CYRIA: variants seen among roughly 807,000 people sequenced by gnomAD.
The protein encoded by CYRIA is CYFIP-related Rac1 interactor A.
CYRIA carries 15 observed loss-of-function variants against 43.9 expected under a neutral mutation model. The observed-to-expected ratio is 0.34, with a 90% confidence interval of 0.23 to 0.53. The LOEUF (loss-of-function observed/expected upper bound fraction) is 0.53, where lower values mean the gene tolerates loss of function less well. CYRIA is among the 20% of genes least tolerant of loss of function. CYRIA has a pLI of 0.94. For synonymous variants in CYRIA, 117 were observed against 136.0 expected, an observed-to-expected ratio of 0.86 and a Z score of 0.97; for missense variants, 236 against 394.2, an observed-to-expected ratio of 0.60 and a Z score of 3.40.
intron 2 of CYRIA, among the ~76,000 whole-genome samples, chr2:16,599,761 C>T (rs544088146): frequency 6.6e-6 from 1 of 152,186 alleles, no homozygotes; most frequent in South Asian, 2.1e-4. Flanking sequence ...CCTCCTCCAA[C>T]TTTATTTTTT....
intron 1 of CYRIA, among the ~76,000 whole-genome samples, chr2:16,633,351 T>C (rs1669385080): frequency 6.6e-6 from 1 of 152,112 alleles, no homozygotes; most frequent in African/African-American, 2.4e-5. Flanking sequence ...TGAACTCTCA[T>C]AGAACTTTCT....
intron 6 of CYRIA, 138 bp downstream of exon 6, chr2:16,561,867 C>T (rs1666746861): frequency 1.2e-6 from 1 of 800,632 alleles, no homozygotes. Flanking sequence ...ATTCTCACCA[C>T]ATTATATGTC....
intron 2 of CYRIA, among the ~76,000 whole-genome samples, chr2:16,593,707 T>TC (rs1668009615): frequency 1.1e-5 from 1 of 95,232 alleles, no homozygotes; most frequent in South Asian, 3.6e-4. Context: ...TGTTTTTTTT[T>TC]GTGTGTGTGT....
At chr2:16,639,491 AAAG>A (rs71402603) in intron 1 of CYRIA, among the ~76,000 whole-genome samples, 3,971 of 152,342 alleles carry the variant, frequency 0.026, 84 homozygotes, top group Admixed American at 0.064. Flanking sequence ...ACTCCAGCTA[AAAG>A]AAGGCAAGAC....
At chr2:16,613,927 G>A (rs1392813238) in intron 2 of CYRIA, among the ~76,000 whole-genome samples, 2 of 152,216 alleles carry the variant, frequency 1.3e-5, no homozygotes, top group Admixed American at 6.5e-5. Context: ...AGAAGGAAAC[G>A]TGAATAGACT....
intron 3 of CYRIA, among the ~76,000 whole-genome samples, chr2:16,566,797 T>C (rs565676145): frequency 1.3e-5 from 2 of 152,258 alleles, no homozygotes; most frequent in African/African-American, 2.4e-5. Context: ...GTAGTAAAGA[T>C]TGGGTTTTAT....
At chr2:16,634,523 A>G (rs1465832825) in intron 1 of CYRIA, among the ~76,000 whole-genome samples, 1 of 152,232 alleles carries the variant, frequency 6.6e-6, no homozygotes, top group Admixed American at 6.5e-5. Context: ...CCTTCAATGG[A>G]AAGACTGTGA....
chr2:16,589,718 G>T (rs1471409464), intron 2 of CYRIA, among the ~76,000 whole-genome samples: 1 of 152,012 alleles, frequency 6.6e-6, no homozygotes, highest in Non-Finnish European at 1.5e-5. Flanking sequence ...TATTGATGAT[G>T]ATAGTCACCA....
chr2:16,568,655 A>G (rs1667029623), intron 3 of CYRIA, among the ~76,000 whole-genome samples: 1 of 152,226 alleles, frequency 6.6e-6, no homozygotes, highest in African/African-American at 2.4e-5. Context: ...CTCCTTTTGA[A>G]AAATCATAAG....
chr2:16,660,965 C>A (rs1035271800), intron 1 of CYRIA, among the ~76,000 whole-genome samples: 1 of 152,210 alleles, frequency 6.6e-6, no homozygotes, highest in Admixed American at 6.5e-5. Context: ...GGCTAATGAG[C>A]AATTCTGTAA....
chr2:16,579,418 T>C (rs971466427), intron 3 of CYRIA, among the ~76,000 whole-genome samples: 8 of 89,586 alleles, frequency 8.9e-5, no homozygotes, highest in South Asian at 3.3e-4. Flanking sequence ...CACATGCACA[T>C]GCACACACAC....
chr2:16,568,227 G>GAAAAAA (rs71400699), intron 3 of CYRIA, among the ~76,000 whole-genome samples: 2 of 88,728 alleles, frequency 2.3e-5, no homozygotes, highest in Non-Finnish European at 2.3e-5. Flanking sequence ...TTCAAAATCA[G>GAAAAAA]AAAAAAAAAA....
At chr2:16,634,224 G>A (rs1323927525) in intron 1 of CYRIA, among the ~76,000 whole-genome samples, 1 of 152,202 alleles carries the variant, frequency 6.6e-6, no homozygotes, top group Non-Finnish European at 1.5e-5. Context: ...CTAGGAAGGG[G>A]ATCACTATTT....
intron 2 of CYRIA, among the ~76,000 whole-genome samples, chr2:16,593,268 G>C (rs528324724): frequency 6.6e-6 from 1 of 152,034 alleles, no homozygotes; most frequent in Admixed American, 6.6e-5. Context: ...AAGATTCATG[G>C]TCCTTTATGT....
intron 9 of CYRIA, 50 bp from the exon 10 acceptor site, chr2:16,559,636 CG>C: frequency 6.3e-7 from 1 of 1,588,976 alleles, no homozygotes; most frequent in Non-Finnish European, 8.6e-7. Flanking sequence ...AGAACATGTG[CG>C]TTCTTTGGCC....
rs573535230 is a variant in CYRIA, at chr2:16,611,782, G to C, written c.-11+12082C>G. ...CTGGGCGGAGGGGCGGAGGTGGGGG[G>C]GTGGTGGTGGAGGTTGGACATGAGG... On this transcript the variant is annotated intron_variant, in intron 2 of 11. Coordinates refer to ENST00000381323, the MANE Select transcript of CYRIA (RefSeq NM_030797.4). 3.3e-5 allele frequency among the ~76,000 whole-genome samples: 5 copies of C among 152,118 alleles called. No homozygotes were observed. The South Asian group carries it at 1.0e-3, about 32-fold the overall frequency.
chr2:16,583,268 C>T (rs10169258), intron 3 of CYRIA, among the ~76,000 whole-genome samples: 79,156 of 152,020 alleles, frequency 0.52, 23,248 homozygotes, highest in African/African-American at 0.8. Context: ...TTGAATCTAC[C>T]TGAACCTCTA....
At chr2:16,610,933 TATATC>T (rs1668575312) in intron 2 of CYRIA, among the ~76,000 whole-genome samples, 3 of 139,230 alleles carry the variant, frequency 2.2e-5, no homozygotes, top group Admixed American at 7.1e-5. Context: ...TATATATATA[TATATC>T]CTGTATATCT....
At chr2:16,558,769 A>G (rs12618972) in intron 10 of CYRIA, among the ~76,000 whole-genome samples, 87 of 152,144 alleles carry the variant, frequency 5.7e-4, no homozygotes, top group South Asian at 1.0e-3. Context: ...GACATGAGGT[A>G]TATAGATTAT....
Sources: allele counts gnomAD v4.1 joint callset (sites outside exome capture counted in the v4.1 genomes callset), GRCh38; gene constraint gnomAD v4.1.1; transcripts MANE v1.5; gene names NCBI Gene and HGNC (gene_info 2026-07-23, HGNC 2026-07-21).